NLGN1: variants seen among roughly 807,000 people sequenced by gnomAD.
NLGN1 encodes neuroligin-1.
Under a neutral mutation model 65.5 loss-of-function variants are expected in NLGN1, and 12 were observed. The observed-to-expected ratio is 0.18, with a 90% CI of 0.12 to 0.30. The LOEUF (loss-of-function observed/expected upper bound fraction) is 0.30. Ranked by LOEUF, NLGN1 falls within the 10% of genes least tolerant of loss-of-function variation. NLGN1 has a pLI of 1.00. For missense variants in NLGN1, 750 were observed against 1,007.1 expected (o/e 0.74, Z 3.46); for synonymous variants, 350 against 359.5 (o/e 0.97, Z 0.30).
At chr3:173,720,145 T>A (rs564446961) in intron 3 of NLGN1, among the ~76,000 whole-genome samples, 5 of 152,162 alleles carry the variant, frequency 3.3e-5, no homozygotes, top group African/African-American at 4.8e-5. Context: ...AAGAATTTTT[T>A]AAAAAATGCT....
chr3:173,920,447 G>C (rs1476041205), intron 4 of NLGN1: 1 of 152,098 alleles, frequency 6.6e-6, no homozygotes, highest in Non-Finnish European at 1.5e-5. Context: ...GACACAGTCT[G>C]GCACAAAGTT....
chr3:173,561,160 G>T (rs889150827), intron 2 of NLGN1, among the ~76,000 whole-genome samples: 1 of 152,144 alleles, frequency 6.6e-6, no homozygotes, highest in African/African-American at 2.4e-5. Context: ...TCATTACTTG[G>T]CAGGAACTTC....
chr3:173,701,958 G>A (rs1257071099), intron 3 of NLGN1, among the ~76,000 whole-genome samples: 7 of 152,234 alleles, frequency 4.6e-5, no homozygotes, highest in South Asian at 2.1e-4. Context: ...AAGAGTTTTC[G>A]GCCGGGCGCG....
chr3:174,006,861 G>A (rs189083784), intron 4 of NLGN1, among the ~76,000 whole-genome samples: 1 of 151,986 alleles, frequency 6.6e-6, no homozygotes. Context: ...TTGGGGTCAG[G>A]AGTTCGAAAC....
At chr3:173,513,619 A>T (rs1212268763) in intron 2 of NLGN1, among the ~76,000 whole-genome samples, 1 of 152,236 alleles carries the variant, frequency 6.6e-6, no homozygotes, top group East Asian at 1.9e-4. Context: ...AGCTCCACAG[A>T]TACCAAAGTA....
intron 2 of NLGN1, among the ~76,000 whole-genome samples, chr3:173,564,294 T>C (rs1328411662): frequency 6.6e-6 from 1 of 152,190 alleles, no homozygotes; most frequent in African/African-American, 2.4e-5. Context: ...GAAGGGAAAA[T>C]ACAAAAATAA....
At chr3:173,663,537 G>A (rs1008652233) in intron 3 of NLGN1, among the ~76,000 whole-genome samples, 3 of 151,986 alleles carry the variant, frequency 2.0e-5, no homozygotes, top group South Asian at 4.2e-4. Context: ...ATATATAGAA[G>A]CTAGTGCCAA....
chr3:173,816,861 A>G (rs6782728), intron 4 of NLGN1, among the ~76,000 whole-genome samples: 122,478 of 152,196 alleles, frequency 0.8, 50,358 homozygotes, highest in Non-Finnish European at 0.85. Flanking sequence ...CAGGGAGATC[A>G]TCCATGTTCA....
intron 4 of NLGN1, among the ~76,000 whole-genome samples, chr3:174,232,355 G>A (rs1431785603): frequency 2.6e-5 from 4 of 152,152 alleles, no homozygotes; most frequent in Non-Finnish European, 5.9e-5. Context: ...AATGTCATCA[G>A]TTAAGGCAGG....
chr3:174,042,647 A>G (rs1732600617), intron 4 of NLGN1, among the ~76,000 whole-genome samples: 2 of 152,230 alleles, frequency 1.3e-5, no homozygotes. Flanking sequence ...AACACTTACT[A>G]GTCACTGTGA....
At chr3:174,017,528 C>T (rs1371613653) in intron 4 of NLGN1, among the ~76,000 whole-genome samples, 2 of 151,958 alleles carry the variant, frequency 1.3e-5, no homozygotes, top group African/African-American at 4.8e-5. Flanking sequence ...GGGAACCTGC[C>T]CCCGATAATT....
At chr3:173,719,504 A>G (rs1368605694) in intron 3 of NLGN1, among the ~76,000 whole-genome samples, 1 of 152,158 alleles carries the variant, frequency 6.6e-6, no homozygotes, top group Admixed American at 6.6e-5. Context: ...TTATAGTGTA[A>G]CTGCTTCCAA....
chr3:173,871,828 A>G (rs1039665449), intron 4 of NLGN1, among the ~76,000 whole-genome samples: 1 of 152,190 alleles, frequency 6.6e-6, no homozygotes, highest in African/African-American at 2.4e-5. Context: ...TGATATGTCC[A>G]GTCACTATCT....
At chr3:174,274,971 A>G (rs1212128003) in intron 4 of NLGN1, among the ~76,000 whole-genome samples, 1 of 151,868 alleles carries the variant, frequency 6.6e-6, no homozygotes, top group Non-Finnish European at 1.5e-5. Context: ...ACACGTTCAC[A>G]TGAACCCTAT....
chr3:173,735,670 G>T (rs1773625395), intron 3 of NLGN1, among the ~76,000 whole-genome samples: 1 of 151,700 alleles, frequency 6.6e-6, no homozygotes. Flanking sequence ...GATGAAATTT[G>T]CTTTTGCTAT....
At chr3:173,858,820 A>C (rs1032994640) in intron 4 of NLGN1, among the ~76,000 whole-genome samples, 5 of 152,050 alleles carry the variant, frequency 3.3e-5, no homozygotes, top group Non-Finnish European at 7.4e-5. Context: ...TTTCATTACC[A>C]TCACATTCCT....
intron 3 of NLGN1, among the ~76,000 whole-genome samples, chr3:173,773,466 G>A (rs1779870826): frequency 6.6e-6 from 1 of 152,122 alleles, no homozygotes; most frequent in African/African-American, 2.4e-5. Flanking sequence ...TTGGCTTTGA[G>A]ACACAAAATG....
chr3:173,539,677 AACAT>A (rs1351169936), intron 2 of NLGN1, among the ~76,000 whole-genome samples: 43 of 79,354 alleles, frequency 5.4e-4, no homozygotes, highest in African/African-American at 2.4e-3. Context: ...GCACATATAT[AACAT>A]ACATATATGT....
rs114124819 is a variant in NLGN1, at chr3:174,207,297, A to G, written c.647-68018A>G. On this transcript the variant is annotated intron_variant, in intron 4 of 6. Transcript: ENST00000457714. ...TGGTGTACCGCTCTCTCCCCATTGTATCTCCTGGTGTAATGGCCCTGCCCA... is the reference window on the plus strand; with the variant it reads ...TGGTGTACCGCTCTCTCCCCATTGTGTCTCCTGGTGTAATGGCCCTGCCCA... Among the ~76,000 whole-genome samples the G allele has an allele frequency of 2.9e-3, 438 of 151,988 alleles. 1 individual carries two copies. Among genetic ancestry groups the G allele is most frequent in the African/African-American group, 0.01 (415 of 41,442 alleles).
Sources: allele counts gnomAD v4.1 joint callset (sites outside exome capture counted in the v4.1 genomes callset), GRCh38; gene constraint gnomAD v4.1.1; transcripts MANE v1.5; gene names NCBI Gene and HGNC (gene_info 2026-07-23, HGNC 2026-07-21).